The following MTMR8 variants were observed in gnomAD, a reference collection of about 807,000 sequenced individuals.
MTMR8 encodes the protein myotubularin related protein 8.
In MTMR8, 65 loss-of-function variants were observed where a neutral mutation model predicts 39.3. The ratio of observed to expected loss-of-function variants is 1.65; its 90% confidence interval spans 1.35 to 2.03. The LOEUF is 2.03. Among genes scored for constraint, MTMR8 ranks in the 30% most tolerant of loss-of-function variants. The pLI is 0.00. For missense variants in MTMR8, 777 were observed against 538.9 expected, an observed-to-expected ratio of 1.44 and a Z score of -4.37; for synonymous variants, 245 against 185.2, an observed-to-expected ratio of 1.32 and a Z score of -2.62.
chrX:64,311,767 C>CTTTTTT (rs1193336126), intron 12 of MTMR8, among the ~76,000 whole-genome samples: 2 of 80,916 alleles, frequency 2.5e-5, no homozygotes, highest in African/African-American at 4.8e-5. Context: ...TTCCCCATTG[C>CTTTTTT]TTTTTTTTTT....
chrX:64,366,490 C>T lies in MTMR8; in HGVS notation c.25-6963G>A, dbSNP rs186072776. On this transcript the variant is annotated intron_variant, in intron 1 of 13. Transcript: ENST00000374852. Reference sequence around the variant, plus strand: ...CTCAACTACATGGAAGCTGAACAACCTGCTCCTGAATGACTACTGGGTATA... The same window carrying T: ...CTCAACTACATGGAAGCTGAACAACTTGCTCCTGAATGACTACTGGGTATA... 3.9e-3 allele frequency among the ~76,000 whole-genome samples: 442 copies of T among 112,051 alleles called. 2 individuals carry two copies. The highest frequency in any genetic ancestry group is 0.013 in the African/African-American group (414 of 30,858).
At chrX:64,281,620 C>A (rs1409453485) in intron 12 of MTMR8, among the ~76,000 whole-genome samples, 2 of 111,705 alleles carry the variant, frequency 1.8e-5, no homozygotes, top group African/African-American at 3.3e-5. Context: ...CTAGGCAATA[C>A]CATTCAGAAA....
chrX:64,279,785 C>T (rs1931963073), intron 12 of MTMR8, among the ~76,000 whole-genome samples: 1 of 111,870 alleles, frequency 8.9e-6, no homozygotes, highest in African/African-American at 3.2e-5. Context: ...TGAATACACA[C>T]ATATGGACCA....
intron 12 of MTMR8, among the ~76,000 whole-genome samples, chrX:64,276,038 A>G (rs911483148): frequency 8.9e-6 from 1 of 111,988 alleles, no homozygotes; most frequent in African/African-American, 3.2e-5. Context: ...TAAAGAATTA[A>G]TGCTTTTTAA....
At chrX:64,278,309 G>A (rs1013986048) in intron 12 of MTMR8, among the ~76,000 whole-genome samples, 3 of 108,871 alleles carry the variant, frequency 2.8e-5, no homozygotes, top group East Asian at 5.8e-4. Flanking sequence ...GAAAAGAGGC[G>A]TTCTGGCTTA....
intron 12 of MTMR8, among the ~76,000 whole-genome samples, chrX:64,311,748 G>A (rs1176309647): frequency 9.3e-5 from 10 of 107,883 alleles, no homozygotes; most frequent in African/African-American, 3.4e-4. Context: ...TTATTAAATA[G>A]GGAATCCTTT....
At chrX:64,365,988 C>G (rs1272513936) in intron 1 of MTMR8, among the ~76,000 whole-genome samples, 1 of 111,403 alleles carries the variant, frequency 9.0e-6, no homozygotes, top group Non-Finnish European at 1.9e-5. Context: ...GACTTTAAAC[C>G]AACAAAGATC....
chrX:64,331,107 T>G (rs773115921), intron 11 of MTMR8, among the ~76,000 whole-genome samples: 81 of 111,407 alleles, frequency 7.3e-4, no homozygotes, highest in Non-Finnish European at 1.4e-3. Context: ...CTCAAAAACC[T>G]ACGGAAATAA....
chrX:64,290,250 A>T (rs1921349911), intron 12 of MTMR8, among the ~76,000 whole-genome samples: 1 of 110,638 alleles, frequency 9.0e-6, no homozygotes, highest in African/African-American at 3.3e-5. Flanking sequence ...AGTGCATTTT[A>T]CTACACTTAA....
intron 12 of MTMR8, chrX:64,306,073 G>A (rs984940776): frequency 3.9e-5 from 8 of 207,303 alleles, no homozygotes; most frequent in Admixed American, 2.0e-4. Context: ...CTGTGTTTGC[G>A]CCACTGCATT....
rs190304897 is a variant in MTMR8 at position 64,386,644 on chromosome X, C to A, written c.24+8696G>T. 7.8e-4 allele frequency among the ~76,000 whole-genome samples: 87 copies of A among 111,946 alleles called. No homozygotes were observed. The Admixed American group carries it at 8.2e-3, about 11-fold the overall frequency. ...CCATGGGTATAAACCATTTCCTTACCTGATGGGGAAGCTGCAGGGAGGCAT... is the reference window on the plus strand; with the variant it reads ...CCATGGGTATAAACCATTTCCTTACATGATGGGGAAGCTGCAGGGAGGCAT... On this transcript the variant is annotated intron_variant, in intron 1 of 13. Coordinates refer to ENST00000374852, the MANE Select transcript of MTMR8 (RefSeq NM_017677.4).
chrX:64,287,944 A>G (rs770468818), intron 12 of MTMR8, among the ~76,000 whole-genome samples: 1 of 97,932 alleles, frequency 1.0e-5, no homozygotes, highest in East Asian at 3.2e-4. Context: ...AGCAATGTCA[A>G]CAAAAGCCAA....
intron 12 of MTMR8, among the ~76,000 whole-genome samples, chrX:64,295,777 T>A (rs1314439034): frequency 2.7e-5 from 3 of 111,691 alleles, no homozygotes; most frequent in Admixed American, 1.9e-4. Context: ...CCCACTAGGA[T>A]GGATACTATC....
At chrX:64,290,773 G>A (rs1921367207) in intron 12 of MTMR8, among the ~76,000 whole-genome samples, 1 of 112,150 alleles carries the variant, frequency 8.9e-6, no homozygotes, top group African/African-American at 3.2e-5. Context: ...TTCTCTGCAA[G>A]GTGTTGCATA....
At chrX:64,294,204 G>A (rs965278799) in intron 12 of MTMR8, among the ~76,000 whole-genome samples, 6 of 111,890 alleles carry the variant, frequency 5.4e-5, no homozygotes, top group Admixed American at 9.5e-5. Flanking sequence ...ACTTCTACTA[G>A]ATATCATCAC....
intron 12 of MTMR8, among the ~76,000 whole-genome samples, chrX:64,316,834 G>T (rs1320611915): frequency 9.0e-6 from 1 of 110,745 alleles, no homozygotes; most frequent in African/African-American, 3.3e-5. Context: ...TGTTAGGCCA[G>T]GTGCAGTGGC....
chrX:64,367,259 T>C (rs780556443), intron 1 of MTMR8, among the ~76,000 whole-genome samples: 1 of 112,122 alleles, frequency 8.9e-6, no homozygotes, highest in Non-Finnish European at 1.9e-5. Flanking sequence ...ACTCATTTTA[T>C]GAGGCCAGCA....
chrX:64,371,315 G>A (rs1924126331), intron 1 of MTMR8, among the ~76,000 whole-genome samples: 1 of 112,314 alleles, frequency 8.9e-6, no homozygotes. Context: ...AAAATGTGAT[G>A]AGTTAAATTT....
At chrX:64,287,877 A>G (rs1227680805) in intron 12 of MTMR8, among the ~76,000 whole-genome samples, 1 of 105,960 alleles carries the variant, frequency 9.4e-6, no homozygotes, top group Non-Finnish European at 1.9e-5. Context: ...AAGAAAACCT[A>G]GACAATACCT....
Sources: allele counts gnomAD v4.1 joint callset (sites outside exome capture counted in the v4.1 genomes callset), GRCh38; gene constraint gnomAD v4.1.1; transcripts MANE v1.5; gene names NCBI Gene and HGNC (gene_info 2026-07-23, HGNC 2026-07-21).